Variants in DGKB observed in about 807,000 individuals in gnomAD.
The protein encoded by DGKB is 90 kDa diacylglycerol kinase.
DGKB carries 67 observed loss-of-function variants against 114.3 expected under a neutral mutation model. The ratio of observed to expected loss-of-function variants is 0.59; its 90% CI spans 0.48 to 0.72. DGKB has a LOEUF of 0.72. Among genes scored for constraint, DGKB ranks in the 30% least tolerant of loss-of-function variants. The pLI, the probability that DGKB is intolerant of heterozygous loss-of-function variation, is 0.00. For missense variants in DGKB, 907 were observed against 975.2 expected (o/e 0.93, Z 0.93); for synonymous variants, 398 against 323.1 (o/e 1.23, Z -2.49).
At chr7:14,495,971 T>C (rs187297158) in intron 20 of DGKB, among the ~76,000 whole-genome samples, 3 of 151,972 alleles carry the variant, frequency 2.0e-5, no homozygotes, top group African/African-American at 2.4e-5. Flanking sequence ...GAAAAACTTA[T>C]GTTAAAAATT....
intron 2 of DGKB, among the ~76,000 whole-genome samples, chr7:14,820,813 AG>A (rs1844820657): frequency 1.3e-5 from 2 of 152,176 alleles, no homozygotes; most frequent in African/African-American, 4.8e-5. Flanking sequence ...GTTTTCTCAG[AG>A]ACAGAACTTT....
At chr7:14,920,547 G>A (rs538898881) in intron 1 of DGKB, among the ~76,000 whole-genome samples, 5 of 152,236 alleles carry the variant, frequency 3.3e-5, no homozygotes, top group African/African-American at 9.6e-5. Context: ...ATTGCTAGTG[G>A]GAATACAAAA....
intron 2 of DGKB, among the ~76,000 whole-genome samples, chr7:14,791,938 T>G (rs56239045): frequency 0.11 from 17,295 of 152,068 alleles, 1,215 homozygotes; most frequent in African/African-American, 0.2. Context: ...TCCATATTTT[T>G]ACTCTTTGGT....
At chr7:14,716,718 A>C (rs551108587) in intron 6 of DGKB, among the ~76,000 whole-genome samples, 17 of 152,276 alleles carry the variant, frequency 1.1e-4, no homozygotes, top group African/African-American at 4.1e-4. Context: ...ATTGTTATTT[A>C]ATTGACACAG....
At chr7:14,357,993 A>AGCC (rs1157967873) in intron 21 of DGKB, among the ~76,000 whole-genome samples, 1 of 152,146 alleles carries the variant, frequency 6.6e-6, no homozygotes, top group African/African-American at 2.4e-5. Flanking sequence ...CTTTGTGGGT[A>AGCC]ACCCGACCTT....
In DGKB at chr7:14,435,561, A is replaced by T. The variant is rs749015685; in HGVS notation, c.1835+42600T>A. On this transcript the variant is annotated intron_variant, in intron 21 of 25. Transcript: ENST00000402815. ...GATAACAGATAATAAACTTCAAATA[A>T]ATGTTATTATTTTTACTACAAGAAC... is the stretch of plus-strand genomic sequence containing the variant. 2.0e-5 allele frequency among the ~76,000 whole-genome samples: 3 copies of T among 152,184 alleles called. No individual in the cohort carries two copies. In the South Asian group the frequency reaches 6.2e-4, roughly 32 times the overall value.
intron 2 of DGKB, among the ~76,000 whole-genome samples, chr7:14,761,401 C>A (rs373720715): frequency 1.3e-5 from 2 of 152,176 alleles, no homozygotes; most frequent in Admixed American, 1.3e-4. Flanking sequence ...GTTTTACCTT[C>A]TTTTGGGGGG....
intron 13 of DGKB, among the ~76,000 whole-genome samples, chr7:14,645,258 C>G (rs1250505628): frequency 6.6e-6 from 1 of 152,150 alleles, no homozygotes; most frequent in Non-Finnish European, 1.5e-5. Context: ...TCTACTATAT[C>G]TTACTCACTT....
At chr7:14,230,565 C>G (rs1791556585) in intron 23 of DGKB, among the ~76,000 whole-genome samples, 1 of 151,988 alleles carries the variant, frequency 6.6e-6, no homozygotes, top group Admixed American at 6.6e-5. Flanking sequence ...AATAACTAAA[C>G]TCTTTCAAGT....
At chr7:14,550,937 A>T (rs754451434) in intron 20 of DGKB, among the ~76,000 whole-genome samples, 1 of 152,172 alleles carries the variant, frequency 6.6e-6, no homozygotes, top group African/African-American at 2.4e-5. Context: ...CTAGACAAAA[A>T]ATTCTTCCTT....
rs145622041 is a variant in DGKB, at chr7:14,375,654, C to A, written c.1836-30263G>T. Among the ~76,000 whole-genome samples the A allele has an allele frequency of 3.9e-4, 59 of 152,302 alleles. No homozygotes were observed. The East Asian group carries it at 0.011, about 27-fold the overall frequency. On this transcript the variant is annotated intron_variant, in intron 21 of 25. Coordinates refer to ENST00000402815, the MANE Select transcript of DGKB (RefSeq NM_001350709.2). Reference sequence around the variant, plus strand: ...AATGTCACCTTCTCAGGTAGGATTTCTTGAGTGCTCTATTTAAAATTATAA... The same window carrying A: ...AATGTCACCTTCTCAGGTAGGATTTATTGAGTGCTCTATTTAAAATTATAA...
intron 23 of DGKB, among the ~76,000 whole-genome samples, chr7:14,322,182 T>C (rs1585127588): frequency 6.6e-6 from 1 of 152,280 alleles, no homozygotes; most frequent in African/African-American, 2.4e-5. Flanking sequence ...TGCCCATTTA[T>C]TTAGGTATTG....
intron 20 of DGKB, among the ~76,000 whole-genome samples, chr7:14,552,983 G>T (rs1329369761): frequency 6.6e-6 from 1 of 152,230 alleles, no homozygotes; most frequent in African/African-American, 2.4e-5. Flanking sequence ...GATAGTGACG[G>T]CTTTGAGATC....
chr7:14,970,818 C>T (rs1428888395), intron 1 of DGKB, among the ~76,000 whole-genome samples: 2 of 152,034 alleles, frequency 1.3e-5, no homozygotes, highest in Admixed American at 6.6e-5. Flanking sequence ...CAAATGTTAA[C>T]CCCACACTCT....
intron 1 of DGKB, among the ~76,000 whole-genome samples, chr7:14,972,919 C>A (rs1162976183): frequency 2.6e-5 from 4 of 152,068 alleles, no homozygotes; most frequent in Admixed American, 2.0e-4. Context: ...TAGGTGGGAG[C>A]TTGCAGAAAG....
intron 1 of DGKB, among the ~76,000 whole-genome samples, chr7:14,909,856 T>C (rs568183903): frequency 6.6e-6 from 1 of 152,258 alleles, no homozygotes; most frequent in South Asian, 2.1e-4. Context: ...AGGGGAAAAT[T>C]ATGTTCCATT....
At chr7:14,514,466 C>T (rs947045121) in intron 20 of DGKB, among the ~76,000 whole-genome samples, 1 of 152,108 alleles carries the variant, frequency 6.6e-6, no homozygotes, top group Non-Finnish European at 1.5e-5. Context: ...ATATTTTCAG[C>T]TTTTACTTTT....
In DGKB at chr7:14,605,705, G is replaced by A. The variant is rs770891805; in HGVS notation, c.1433+1729C>T. On this transcript the variant is annotated intron_variant, in intron 17 of 25. Coordinates refer to ENST00000402815, the MANE Select transcript of DGKB (RefSeq NM_001350709.2). ...AAGTGTAGTAGGAAAAAAGTGAGAT[G>A]AGAGAACAGGGCTAAAATCAAATTT... is the stretch of plus-strand genomic sequence containing the variant. 2.5e-3 allele frequency among the ~76,000 whole-genome samples: 380 copies of A among 151,998 alleles called. 1 individual carries two copies. The highest frequency in any genetic ancestry group is 4.0e-3 in the Non-Finnish European group (273 of 67,950).
intron 10 of DGKB, among the ~76,000 whole-genome samples, chr7:14,684,411 T>C (rs1821334030): frequency 6.6e-6 from 1 of 152,096 alleles, no homozygotes; most frequent in Non-Finnish European, 1.5e-5. Flanking sequence ...GCTGAAAAGG[T>C]TGGGGAGAGA....
Sources: gnomAD v4.1 joint callset for allele counts (sites outside exome capture counted in the v4.1 genomes callset) on GRCh38, gnomAD v4.1.1 for gene constraint, MANE v1.5 for transcripts, NCBI Gene and HGNC (gene_info 2026-07-23, HGNC 2026-07-21) for gene names.